CMPK1: variants seen among roughly 807,000 people sequenced by gnomAD.
CMPK1 encodes the protein UMP-CMP kinase.
In CMPK1, 10 loss-of-function variants were observed where a neutral mutation model predicts 25.7. The observed-to-expected ratio is 0.39, with a 90% CI of 0.24 to 0.66. CMPK1 has a LOEUF of 0.66. Among genes scored for constraint, CMPK1 ranks in the 30% least tolerant of loss-of-function variants. The pLI is 0.48. For synonymous variants in CMPK1, 106 were observed against 101.5 expected (o/e 1.04, Z -0.27); for missense variants, 199 against 280.5 (o/e 0.71, Z 2.08).
intron 1 of CMPK1, among the ~76,000 whole-genome samples, chr1:47,338,662 T>C (rs1275993318): frequency 6.6e-6 from 1 of 151,530 alleles, no homozygotes; most frequent in African/African-American, 2.4e-5. Context: ...ATTTGTTTTA[T>C]TTTCTAATTG....
intron 1 of CMPK1, among the ~76,000 whole-genome samples, chr1:47,367,307 A>G (rs1008400217): frequency 5.3e-5 from 8 of 152,218 alleles, no homozygotes; most frequent in African/African-American, 1.7e-4. Flanking sequence ...TCATTTGCTG[A>G]CTACCTTACC....
chr1:47,360,287 G>T lies in CMPK1; in HGVS notation c.172-8182G>T, dbSNP rs371059969. Reference sequence around the variant, plus strand: ...TCAAAATGGCTGAGATGAATTAAAAGAAATAAAAATACTGGAATTGACCAA... The same window carrying T: ...TCAAAATGGCTGAGATGAATTAAAATAAATAAAAATACTGGAATTGACCAA... On this transcript the variant is annotated intron_variant, in intron 1 of 5. Coordinates refer to ENST00000371873, the MANE Select transcript of CMPK1 (RefSeq NM_016308.3). Among the ~76,000 whole-genome samples, 34 of 152,192 alleles carry T rather than the reference G, an allele frequency of 2.2e-4. 1 individual carries two copies. The highest frequency in any genetic ancestry group is 1.2e-3 in the East Asian group (6 of 5,182).
In CMPK1 at chr1:47,344,032, C is replaced by T. The variant is rs189677961; in HGVS notation, c.171+9916C>T. Among the ~76,000 whole-genome samples, 209 of 150,884 alleles carry T rather than the reference C, an allele frequency of 1.4e-3. 1 individual carries two copies. Among genetic ancestry groups the T allele is most frequent in the African/African-American group, 4.6e-3 (187 of 41,066 alleles). On this transcript the variant is annotated intron_variant, in intron 1 of 5. Transcript: ENST00000371873. ...GCAATAAGACATGATCACGCCACTG[C>T]GCTTCAGCCTGTGCAACAGAGCAAG...
At chr1:47,346,043 C>G (rs1037226982) in intron 1 of CMPK1, among the ~76,000 whole-genome samples, 1 of 150,596 alleles carries the variant, frequency 6.6e-6, no homozygotes, top group African/African-American at 2.4e-5. Context: ...AATGCCTGGC[C>G]TTTTTTTTGT....
intron 1 of CMPK1, among the ~76,000 whole-genome samples, chr1:47,341,456 C>T (rs1221961255): frequency 6.6e-6 from 1 of 151,856 alleles, no homozygotes; most frequent in African/African-American, 2.4e-5. Context: ...GCAGCCTCTG[C>T]CTTCCAGGTT....
intron 1 of CMPK1, among the ~76,000 whole-genome samples, chr1:47,362,187 G>T (rs1470813380): frequency 1.3e-4 from 6 of 44,612 alleles, no homozygotes; most frequent in Admixed American, 6.6e-4. Flanking sequence ...TTTTTTTTTC[G>T]AGACGGAGTT....
chr1:47,376,665 A>G, intron 5 of CMPK1, 39 bp from the exon 6 acceptor site: 3 of 1,378,122 alleles, frequency 2.2e-6, no homozygotes, highest in Non-Finnish European at 3.1e-6. Flanking sequence ...TTTTAACAGT[A>G]CCTGCTTTTA....
chr1:47,365,098 A>G (rs1646630040), intron 1 of CMPK1, among the ~76,000 whole-genome samples: 1 of 152,138 alleles, frequency 6.6e-6, no homozygotes, highest in Non-Finnish European at 1.5e-5. Flanking sequence ...TTGCTTTAAA[A>G]ATACATTTGT....
chr1:47,375,146 T>C lies in CMPK1; in HGVS notation c.549-51T>C, dbSNP rs370461272. The stretch of plus-strand genomic sequence containing the variant: ...GTTCTGTGAGCTCTCCTATAACATG[T>C]AGAAGAAAGGATAGATACCTAGAAC... On this transcript the variant is annotated intron_variant, in intron 4 of 5. Coordinates refer to ENST00000371873, the MANE Select transcript of CMPK1 (RefSeq NM_016308.3). 7.0e-5 allele frequency: 100 copies of C among 1,425,286 alleles called. No homozygotes were observed. In the African/African-American group the frequency reaches 8.4e-4, roughly 12 times the overall value. The allele number at this position is 1,425,286 out of a possible 1,614,324, so 88.3% of individuals were successfully genotyped here. A position where few individuals can be genotyped will look rare whatever the true frequency, so the allele number is the denominator to read the frequency against.
At chr1:47,346,821 TC>T (rs1254601477) in intron 1 of CMPK1, among the ~76,000 whole-genome samples, 39 of 149,942 alleles carry the variant, frequency 2.6e-4, no homozygotes. Flanking sequence ...TGCCTTCCTC[TC>T]CCCCTCCCCA....
chr1:47,334,149 G>A, intron 1 of CMPK1, 33 bp downstream of exon 1: 1 of 1,450,550 alleles, frequency 6.9e-7, no homozygotes. Context: ...GCTCCTTGGG[G>A]CTTGACGGGA....
chr1:47,367,331 T>A (rs968704717), intron 1 of CMPK1, among the ~76,000 whole-genome samples: 1 of 152,216 alleles, frequency 6.6e-6, no homozygotes, highest in South Asian at 2.1e-4. Context: ...AACTTATTAT[T>A]TAGTAAGCAA....
At chr1:47,339,345 C>T (rs898908617) in intron 1 of CMPK1, among the ~76,000 whole-genome samples, 9 of 152,058 alleles carry the variant, frequency 5.9e-5, no homozygotes, top group Admixed American at 5.9e-4. Flanking sequence ...GTGTCAACTT[C>T]CTCCAGGGCC....
chr1:47,358,153 C>T (rs1375502779), intron 1 of CMPK1: 2 of 151,866 alleles, frequency 1.3e-5, no homozygotes, highest in South Asian at 1.1e-4. Context: ...ATTCTGTTTC[C>T]TAGGCTAGAG....
chr1:47,345,484 G>A (rs937792449), intron 1 of CMPK1, among the ~76,000 whole-genome samples: 9 of 149,568 alleles, frequency 6.0e-5, no homozygotes, highest in Non-Finnish European at 1.0e-4. Flanking sequence ...AAAAAAAGTA[G>A]CAATTTAATT....
chr1:47,340,447 ATTTCT>A (rs1646433171), intron 1 of CMPK1, among the ~76,000 whole-genome samples: 1 of 152,052 alleles, frequency 6.6e-6, no homozygotes, highest in Non-Finnish European at 1.5e-5. Flanking sequence ...TCTTCCTCAG[ATTTCT>A]CATGTAACAC....
chr1:47,350,636 C>G (rs984662680), intron 1 of CMPK1, among the ~76,000 whole-genome samples: 1 of 151,928 alleles, frequency 6.6e-6, no homozygotes, highest in Admixed American at 6.6e-5. Context: ...GGCTTATGCC[C>G]GTAATCCCAG....
chr1:47,367,640 C>T (rs2622903), intron 1 of CMPK1, among the ~76,000 whole-genome samples: 103,033 of 152,058 alleles, frequency 0.68, 35,437 homozygotes, highest in East Asian at 0.94. Flanking sequence ...TGTAACTGAG[C>T]GATAAATATA....
intron 1 of CMPK1, among the ~76,000 whole-genome samples, chr1:47,343,875 A>T (rs1047936965): frequency 6.6e-5 from 10 of 151,460 alleles, no homozygotes; most frequent in African/African-American, 2.2e-4. Context: ...TGACAGAGAG[A>T]GACTCCGTCT....
Sources: allele counts gnomAD v4.1 joint callset (sites outside exome capture counted in the v4.1 genomes callset), GRCh38; gene constraint gnomAD v4.1.1; transcripts MANE v1.5; gene names NCBI Gene and HGNC (gene_info 2026-07-23, HGNC 2026-07-21).